Variants in GLRB observed in about 807,000 individuals in gnomAD.
GLRB encodes glycine receptor beta, also known as glycine receptor subunit beta.
A neutral mutation model predicts 54.2 loss-of-function variants in GLRB; 33 were observed. The ratio of observed to expected loss-of-function variants is 0.61; its 90% CI spans 0.46 to 0.81. The LOEUF (loss-of-function observed/expected upper bound fraction) is 0.81, where lower values mean the gene tolerates loss of function less well. Among genes scored for constraint, GLRB ranks in the 40% least tolerant of loss-of-function variants. The pLI, the probability that GLRB is intolerant of heterozygous loss-of-function variation, is 0.00. For missense variants in GLRB, 572 were observed against 584.6 expected (o/e 0.98, Z 0.22); for synonymous variants, 209 against 208.2 (o/e 1.00, Z -0.03).
At chr4:157,138,328 C>T (rs1462512493) in intron 6 of GLRB, among the ~76,000 whole-genome samples, 1 of 152,166 alleles carries the variant, frequency 6.6e-6, no homozygotes, top group African/African-American at 2.4e-5. Flanking sequence ...CCCGCCTTGG[C>T]CTCCCAAAGT....
chr4:157,121,704 G>A (rs564228151), intron 3 of GLRB, among the ~76,000 whole-genome samples: 3 of 151,196 alleles, frequency 2.0e-5, no homozygotes, highest in Non-Finnish European at 3.0e-5. Flanking sequence ...TTAGCACAAC[G>A]AGCAGCCACA....
At chr4:157,085,263 C>G (rs976395669) in intron 2 of GLRB, among the ~76,000 whole-genome samples, 1 of 152,020 alleles carries the variant, frequency 6.6e-6, no homozygotes, top group Non-Finnish European at 1.5e-5. Flanking sequence ...TCTTTGGAGA[C>G]AGGATCTAAT....
intron 6 of GLRB, among the ~76,000 whole-genome samples, chr4:157,138,084 T>C (rs929365936): frequency 6.6e-6 from 1 of 152,144 alleles, no homozygotes; most frequent in Non-Finnish European, 1.5e-5. Context: ...ATGATGATTA[T>C]TTTTTAAAAC....
chr4:157,158,810 T>C (rs1737342442), intron 9 of GLRB, among the ~76,000 whole-genome samples: 1 of 152,182 alleles, frequency 6.6e-6, no homozygotes, highest in Non-Finnish European at 1.5e-5. Context: ...GTCTTGGCAA[T>C]GCGGGCTCTT....
chr4:157,114,181 GT>G (rs1735519916), intron 2 of GLRB, among the ~76,000 whole-genome samples: 1 of 151,674 alleles, frequency 6.6e-6, no homozygotes. Flanking sequence ...CAGTAGCAGT[GT>G]TTTTTTCATA....
intron 2 of GLRB, among the ~76,000 whole-genome samples, chr4:157,098,373 T>C (rs1734890283): frequency 6.6e-6 from 1 of 152,106 alleles, no homozygotes; most frequent in Non-Finnish European, 1.5e-5. Context: ...ACTTTTGCAA[T>C]AGGGAGAATG....
intron 9 of GLRB, among the ~76,000 whole-genome samples, 194 bp downstream of exon 9, chr4:157,153,204 T>C (rs1016175299): frequency 6.6e-6 from 1 of 152,142 alleles, no homozygotes; most frequent in African/African-American, 2.4e-5. Flanking sequence ...AACGTTTAGG[T>C]CGAATACCAC....
intron 9 of GLRB, among the ~76,000 whole-genome samples, chr4:157,162,626 C>A (rs1216696750): frequency 6.6e-6 from 1 of 152,186 alleles, no homozygotes; most frequent in African/African-American, 2.4e-5. Flanking sequence ...GCCTGGGTAT[C>A]ACCAGCGGAG....
Position 157,152,973 on chromosome 4 carries a change from A to C in GLRB, c.1160A>C (p.Asn387Thr). 1 of 1,614,020 alleles carries C rather than the reference A, an allele frequency of 6.2e-7. No homozygotes were observed. Among genetic ancestry groups the C allele is most frequent in the Non-Finnish European group, 8.5e-7 (1 of 1,179,918 alleles). Residue 387 changes from asparagine (N) to threonine (T), a missense_variant, in exon 9 of 10, where the codon AAT (asparagine) becomes ACT (threonine). Coordinates refer to ENST00000264428, the MANE Select transcript of GLRB (RefSeq NM_000824.5). ...AATGTGGCTAAAAAGAATACTGTGA[A>C]TGGAACAGGGACTCCTGTTCATATT... The part of the protein sequence containing the change: ...GGNVAKKNTV[N>T]GTGTPVHIST...
At position 157,152,861 on chromosome 4, in the gene GLRB, G is replaced by A; in HGVS notation, c.1048G>A (p.Val350Ile). The A allele has an allele frequency of 6.2e-7, 1 of 1,614,008 alleles. No individual in the cohort carries two copies. The highest frequency in any genetic ancestry group is 8.5e-7 in the Non-Finnish European group (1 of 1,179,978). ...TGCTTCCCTGGTGGAGTATGCAGTTGTCCAGGTGATGCTGAACAACCCCAA... is the reference window on the plus strand; with the variant it reads ...TGCTTCCCTGGTGGAGTATGCAGTTATCCAGGTGATGCTGAACAACCCCAA... ...GFASLVEYAV[V>I]QVMLNNPKRV... The change falls in exon 9 of 10, where the codon GTC becomes ATC. Residue 350 changes from valine to isoleucine, a missense_variant. Physicochemically the swap from Val to Ile is conservative, Grantham distance 29. Coordinates refer to ENST00000264428, the MANE Select transcript of GLRB (RefSeq NM_000824.5).
chr4:157,116,000 T>C (rs1735596007), intron 2 of GLRB, among the ~76,000 whole-genome samples: 1 of 151,760 alleles, frequency 6.6e-6, no homozygotes, highest in African/African-American at 2.4e-5. Flanking sequence ...AATATACTCA[T>C]CCACACCTGT....
At position 157,076,297 on chromosome 4, in the gene GLRB, G is replaced by T. The variant is rs1198798924; in HGVS notation, c.-30G>T. 1.3e-5 allele frequency: 2 copies of T among 151,520 alleles called. No homozygotes were observed. Among genetic ancestry groups the T allele is most frequent in the Admixed American group, 1.3e-4 (2 of 15,180 alleles). The allele number at this position is 151,520 out of a possible 1,614,324, so 9.4% of individuals were successfully genotyped here. On this transcript the variant is annotated splice_region_variant and 5_prime_UTR_variant, in exon 1 of 10. Coordinates refer to ENST00000264428, the MANE Select transcript of GLRB (RefSeq NM_000824.5). ...GCGATTGTGGGCAGGGGCGCCTCCG[G>T]GTAAGTGCCAGGAGCTCCACTTAGG...
At chr4:157,077,540 A>G (rs945961297) in intron 1 of GLRB, among the ~76,000 whole-genome samples, 2 of 152,110 alleles carry the variant, frequency 1.3e-5, no homozygotes, top group East Asian at 1.9e-4. Flanking sequence ...AAAAATATAC[A>G]TAAGAACTTC....
In GLRB at chr4:157,101,797, G is replaced by GTT. The variant is rs77992858; in HGVS notation, c.123-18744_123-18743dup. ...TTCTAGAGTCCATAGAGTCAAACTT[G>GTT]TTTTTTTTTTTTTTTTGGTGGGGGG... On this transcript the variant is annotated intron_variant, in intron 2 of 9. Transcript: ENST00000264428. 3.5e-3 allele frequency among the ~76,000 whole-genome samples: 134 copies of GTT among 37,968 alleles called. 1 individual carries two copies. The highest frequency in any genetic ancestry group is 8.6e-3 in the East Asian group (16 of 1,856). 24.9% of individuals were successfully genotyped at this position (37,968 alleles called of 152,430 possible). A position where few individuals can be genotyped will look rare whatever the true frequency, so the allele number is the denominator to read the frequency against.
At chr4:157,144,089 T>G (rs1477908800) in intron 8 of GLRB, 130 bp downstream of exon 8, 2 of 915,006 alleles carry the variant, frequency 2.2e-6, no homozygotes, top group Non-Finnish European at 3.5e-6. Context: ...TTTAAAGACT[T>G]TCTTCAAAAC....
intron 9 of GLRB, among the ~76,000 whole-genome samples, chr4:157,159,714 G>A (rs905769681): frequency 2.0e-5 from 3 of 152,288 alleles, no homozygotes; most frequent in African/African-American, 7.2e-5. Flanking sequence ...CCTTTTTGAT[G>A]TGCTGCTGGA....
At chr4:157,107,261 A>C (rs1441782751) in intron 2 of GLRB, among the ~76,000 whole-genome samples, 2 of 152,110 alleles carry the variant, frequency 1.3e-5, no homozygotes, top group Non-Finnish European at 2.9e-5. Context: ...CTAAGTTTTC[A>C]GGTGAAAAGA....
intron 2 of GLRB, among the ~76,000 whole-genome samples, chr4:157,095,244 G>T (rs1178553928): frequency 6.6e-6 from 1 of 150,536 alleles, no homozygotes; most frequent in Non-Finnish European, 1.5e-5. Flanking sequence ...GGTTGTAATG[G>T]CTGAATAATA....
chr4:157,142,331 G>T (rs937333402), intron 7 of GLRB, among the ~76,000 whole-genome samples: 2 of 151,976 alleles, frequency 1.3e-5, no homozygotes, highest in Non-Finnish European at 2.9e-5. Flanking sequence ...CTGTAAAAAA[G>T]AAACACTTGC....
Sources: allele counts gnomAD v4.1 joint callset (sites outside exome capture counted in the v4.1 genomes callset), GRCh38; gene constraint gnomAD v4.1.1; transcripts MANE v1.5; gene names NCBI Gene and HGNC (gene_info 2026-07-23, HGNC 2026-07-21).